CHMP3: variants seen among roughly 807,000 people sequenced by gnomAD.
CHMP3 encodes 25.1 protein.
A neutral mutation model predicts 27.4 loss-of-function variants in CHMP3; 8 were observed. That is an observed-to-expected ratio of 0.29 (90% CI 0.17 to 0.53). The LOEUF (loss-of-function observed/expected upper bound fraction) is 0.53. Ranked by LOEUF, CHMP3 falls within the 20% of genes least tolerant of loss-of-function variation. The pLI is 0.96. For synonymous variants in CHMP3, 86 were observed against 85.5 expected, an observed-to-expected ratio of 1.01 and a Z score of -0.03; for missense variants, 208 against 271.5, an observed-to-expected ratio of 0.77 and a Z score of 1.64.
intron 2 of CHMP3, 78 bp from the exon 3 acceptor site, chr2:86,529,475 A>T: frequency 7.5e-7 from 1 of 1,325,468 alleles, no homozygotes; most frequent in Non-Finnish European, 1.0e-6. Flanking sequence ...ATTGTGATCT[A>T]AATGTATCTA....
chr2:86,552,138 A>G (rs775665860), intron 1 of CHMP3, among the ~76,000 whole-genome samples: 5 of 152,242 alleles, frequency 3.3e-5, no homozygotes, highest in African/African-American at 7.2e-5. Context: ...GACCAAATGT[A>G]TAAGTTTTTC....
chr2:86,560,715 A>G (rs1011870949), intron 1 of CHMP3, among the ~76,000 whole-genome samples: 3 of 152,154 alleles, frequency 2.0e-5, no homozygotes, highest in East Asian at 1.9e-4. Flanking sequence ...TTAAAAAAAA[A>G]AAAAAGAAAA....
intron 3 of CHMP3, among the ~76,000 whole-genome samples, chr2:86,524,017 T>C (rs1478762623): frequency 6.6e-6 from 1 of 152,150 alleles, no homozygotes; most frequent in Non-Finnish European, 1.5e-5. Flanking sequence ...GATGATAATA[T>C]TTAGAACCTA....
chr2:86,545,014 TCCTCACCTCCC>T (rs1676517366), intron 1 of CHMP3, among the ~76,000 whole-genome samples: 1 of 100,764 alleles, frequency 9.9e-6, no homozygotes, highest in Non-Finnish European at 2.1e-5. Context: ...GCAGAGGCGC[TCCTCACCTCCC>T]GGACGAAGGG....
chr2:86,555,600 C>T (rs1677092148), intron 1 of CHMP3, among the ~76,000 whole-genome samples: 1 of 152,170 alleles, frequency 6.6e-6, no homozygotes, highest in Non-Finnish European at 1.5e-5. Flanking sequence ...AGCAGGAAGG[C>T]CATGCTTCCT....
intron 3 of CHMP3, among the ~76,000 whole-genome samples, chr2:86,525,809 C>G (rs1675683661): frequency 6.6e-6 from 1 of 152,050 alleles, no homozygotes; most frequent in African/African-American, 2.4e-5. Context: ...TGGAAGAAGA[C>G]AAAGTGGTGG....
At chr2:86,552,000 C>T (rs1215510327) in intron 1 of CHMP3, among the ~76,000 whole-genome samples, 1 of 152,058 alleles carries the variant, frequency 6.6e-6, no homozygotes, top group East Asian at 1.9e-4. Flanking sequence ...GAGAAATGGC[C>T]GATTTCAGGT....
chr2:86,531,533 A>G (rs1021303503), intron 2 of CHMP3, among the ~76,000 whole-genome samples: 3 of 152,168 alleles, frequency 2.0e-5, no homozygotes, highest in African/African-American at 7.2e-5. Context: ...CACCACGCCC[A>G]GCAGTTTGTT....
intron 4 of CHMP3, among the ~76,000 whole-genome samples, chr2:86,509,552 G>A (rs1271994240): frequency 6.6e-6 from 1 of 152,168 alleles, no homozygotes; most frequent in East Asian, 1.9e-4. Context: ...AAGAATTTGA[G>A]GTGTACACTC....
Position 86,503,478 on chromosome 2 carries a change from C to T in CHMP3, c.*2326G>A, listed in dbSNP as rs1674778185. On this transcript the variant is annotated 3_prime_UTR_variant, in exon 6 of 6. Coordinates refer to ENST00000263856, the MANE Select transcript of CHMP3 (RefSeq NM_016079.4). ...GGTATTTATTCAAATGAATTAAAAA[C>T]ATGCCCATAGAAAAACCTGCACAAA... 6.6e-6 allele frequency: 1 copy of T among 152,208 alleles called. No homozygotes were observed. Among genetic ancestry groups the T allele is most frequent in the Non-Finnish European group, 1.5e-5 (1 of 68,036 alleles). The allele number at this position is 152,208 out of a possible 1,614,324, so 9.4% of individuals were successfully genotyped here.
chr2:86,554,768 C>T (rs577863752), intron 1 of CHMP3, among the ~76,000 whole-genome samples: 1 of 151,088 alleles, frequency 6.6e-6, no homozygotes, highest in African/African-American at 2.4e-5. Context: ...TTGTATTACA[C>T]AAGGAAACAA....
chr2:86,516,968 G>A (rs1675331830), intron 3 of CHMP3, among the ~76,000 whole-genome samples: 1 of 152,154 alleles, frequency 6.6e-6, no homozygotes, highest in Non-Finnish European at 1.5e-5. Flanking sequence ...GCAATATCCT[G>A]ATTGTGAGAT....
chr2:86,519,897 G>T (rs1185659666), intron 3 of CHMP3, among the ~76,000 whole-genome samples: 1 of 152,126 alleles, frequency 6.6e-6, no homozygotes, highest in East Asian at 1.9e-4. Flanking sequence ...TTATTATTCA[G>T]CAAGCCTTAA....
intron 2 of CHMP3, among the ~76,000 whole-genome samples, chr2:86,538,685 C>G (rs75921844): frequency 6.6e-6 from 1 of 152,046 alleles, no homozygotes; most frequent in Non-Finnish European, 1.5e-5. Flanking sequence ...ATTTGAGGAG[C>G]AGATGAAATG....
At chr2:86,526,174 G>T (rs1051841279) in intron 3 of CHMP3, among the ~76,000 whole-genome samples, 1 of 152,234 alleles carries the variant, frequency 6.6e-6, no homozygotes, top group Admixed American at 6.5e-5. Flanking sequence ...CTTTTGTTAT[G>T]TATACTGCTG....
rs552108715 is a variant in CHMP3, at chr2:86,521,640, T to C, written c.286+7578A>G. On this transcript the variant is annotated intron_variant, in intron 3 of 5. Transcript: ENST00000263856. ...AACACTCTACTTTCTGCCTCTACAT[T>C]TGAGAATTCAAGGTACATCATATAA... is the stretch of plus-strand genomic sequence containing the variant. Among the ~76,000 whole-genome samples, 9 of 152,284 alleles carry C rather than the reference T, an allele frequency of 5.9e-5. No individual in the cohort carries two copies. In the East Asian group the frequency reaches 1.3e-3, roughly 23 times the overall value.
intron 1 of CHMP3, among the ~76,000 whole-genome samples, chr2:86,552,233 C>T (rs146621226): frequency 1.3e-3 from 197 of 152,184 alleles, no homozygotes; most frequent in African/African-American, 4.5e-3. Context: ...CTGAGAGGAA[C>T]GGGTGGAGAG....
Position 86,518,130 on chromosome 2 carries a change from C to T in CHMP3, c.287-7651G>A, listed in dbSNP as rs549198574. Among the ~76,000 whole-genome samples the T allele has an allele frequency of 5.3e-5, 8 of 152,174 alleles. No homozygotes were observed. The South Asian group carries it at 1.7e-3, about 32-fold the overall frequency. On this transcript the variant is annotated intron_variant, in intron 3 of 5. Coordinates refer to ENST00000263856, the MANE Select transcript of CHMP3 (RefSeq NM_016079.4). ...ATCAGATTATAAGAAAATATGAAAT[C>T]TTATGACATTTCTGACAAATGAAAG...
chr2:86,543,776 G>C (rs1225526701), intron 1 of CHMP3, among the ~76,000 whole-genome samples: 1 of 152,064 alleles, frequency 6.6e-6, no homozygotes, highest in African/African-American at 2.4e-5. Flanking sequence ...ACTCCACTCA[G>C]AAAAAATACT....
Sources: gnomAD v4.1 joint callset for allele counts (sites outside exome capture counted in the v4.1 genomes callset) on GRCh38, gnomAD v4.1.1 for gene constraint, MANE v1.5 for transcripts, NCBI Gene and HGNC (gene_info 2026-07-23, HGNC 2026-07-21) for gene names.